The following DSCAML1 variants were observed in gnomAD, a reference collection of about 807,000 sequenced individuals.
DSCAML1 encodes cell adhesion molecule DSCAML1.
In DSCAML1, 38 loss-of-function variants were observed where a neutral mutation model predicts 200.5. The observed-to-expected ratio is 0.19, with a 90% CI of 0.15 to 0.25. The LOEUF (loss-of-function observed/expected upper bound fraction) is 0.25. DSCAML1 is among the 10% of genes least tolerant of loss of function. The probability of loss-of-function intolerance (pLI) is 1.00; values close to 1 mark genes in which losing one functional copy is unlikely to be tolerated. For synonymous variants in DSCAML1, 1,215 were observed against 1,165.0 expected (o/e 1.04, Z -0.87); for missense variants, 2,223 against 2,858.8 (o/e 0.78, Z 5.07).
intron 3 of DSCAML1, chr11:117,611,672 C>T (rs1455892250): frequency 6.6e-6 from 1 of 152,210 alleles, no homozygotes; most frequent in Non-Finnish European, 1.5e-5. Context: ...AAACCCAGCT[C>T]TTCTCTTAAA....
chr11:117,675,776 T>C (rs963397233), intron 3 of DSCAML1, among the ~76,000 whole-genome samples: 1 of 152,160 alleles, frequency 6.6e-6, no homozygotes, highest in African/African-American at 2.4e-5. Flanking sequence ...TATTGACACC[T>C]GCTCTCATCC....
intron 3 of DSCAML1, among the ~76,000 whole-genome samples, chr11:117,616,122 C>G (rs908034195): frequency 6.6e-6 from 1 of 152,126 alleles, no homozygotes; most frequent in Non-Finnish European, 1.5e-5. Flanking sequence ...ATCATCAGTC[C>G]GATTGGCCAT....
At chr11:117,537,972 G>C (rs1001350447) in intron 3 of DSCAML1, among the ~76,000 whole-genome samples, 2 of 152,202 alleles carry the variant, frequency 1.3e-5, no homozygotes, top group African/African-American at 2.4e-5. Flanking sequence ...AGCTCACCCA[G>C]GGTGCCTTTA....
At chr11:117,467,193 A>ACCCCCCCCCCCCCCCCCCCCCCC (rs757481843) in intron 16 of DSCAML1, among the ~76,000 whole-genome samples, 7 of 109,516 alleles carry the variant, frequency 6.4e-5, no homozygotes, top group Admixed American at 2.0e-4. Context: ...GTGCACACAC[A>ACCCCCCCCCCCCCCCCCCCCCCC]CCTCCCCCCT....
At chr11:117,796,284 A>G (rs1339891057) in intron 1 of DSCAML1, among the ~76,000 whole-genome samples, 1 of 152,150 alleles carries the variant, frequency 6.6e-6, no homozygotes, top group Non-Finnish European at 1.5e-5. Flanking sequence ...CAGCCTGAAG[A>G]CTTGTCCCCA....
rs72081394 is a variant in DSCAML1 at position 117,453,750 on chromosome 11, T to TTTCTTTCTTTC, written c.3569-3063_3569-3062insGAAAGAAAGAA. The stretch of plus-strand genomic sequence containing the variant: ...GATTTCTTTCTTTCTTTCTTTCTTT[T>TTTCTTTCTTTC]TTTTTTTTTTTTGAGATAGAGTCTC... On this transcript the variant is annotated intron_variant, in intron 19 of 32. Coordinates refer to ENST00000651296, the MANE Select transcript of DSCAML1 (RefSeq NM_020693.4). 3.4e-4 allele frequency among the ~76,000 whole-genome samples: 45 copies of TTTCTTTCTTTC among 130,444 alleles called. 1 individual carries two copies. Among genetic ancestry groups the TTTCTTTCTTTC allele is most frequent in the African/African-American group, 1.3e-3 (42 of 31,112 alleles). 85.6% of individuals were successfully genotyped at this position (130,444 alleles called of 152,430 possible).
rs2053565194 is a variant in DSCAML1, at chr11:117,695,151, GAGAA to G, written c.511+81636_511+81639del. Among the ~76,000 whole-genome samples, 3 of 152,162 alleles carry G rather than the reference GAGAA, an allele frequency of 2.0e-5. No individual in the cohort carries two copies. The South Asian group carries it at 6.2e-4, about 32-fold the overall frequency. On this transcript the variant is annotated intron_variant, in intron 3 of 32. Transcript: ENST00000651296. ...AGCAGTGACAGTAGGAAAAAAGGGA[GAGAA>G]AGAGAGTCCACAGCTACTGAGAAGG...
intron 3 of DSCAML1, among the ~76,000 whole-genome samples, chr11:117,684,905 T>C (rs572673120): frequency 3.2e-4 from 49 of 152,282 alleles, no homozygotes; most frequent in Non-Finnish European, 5.9e-4. Context: ...AAGTCCCTTC[T>C]TCAAGTAGCC....
At chr11:117,543,706 G>A (rs1302816784) in intron 3 of DSCAML1, among the ~76,000 whole-genome samples, 1 of 152,132 alleles carries the variant, frequency 6.6e-6, no homozygotes. Context: ...TCTAAACCCC[G>A]ATTTTCTCTG....
intron 19 of DSCAML1, among the ~76,000 whole-genome samples, chr11:117,454,848 CT>C (rs1229258942): frequency 6.6e-6 from 1 of 152,180 alleles, no homozygotes; most frequent in Non-Finnish European, 1.5e-5. Flanking sequence ...GAACTGTCTG[CT>C]TTTGGTCCAC....
At position 117,503,820 on chromosome 11, in the gene DSCAML1, G is replaced by T; in HGVS notation, c.2359+25C>A. 6.2e-7 allele frequency: 1 copy of T among 1,607,226 alleles called. No individual in the cohort carries two copies. Among genetic ancestry groups the T allele is most frequent in the South Asian group, 1.1e-5 (1 of 89,654 alleles). On this transcript the variant is annotated intron_variant, in intron 11 of 32. Transcript: ENST00000651296. This position sits in a 1 kb window ranked among gnomAD's most constrained non-coding sequence, Gnocchi z 5.2. Reference sequence around the variant, plus strand: ...GCTTGGCTGTGATTTGGGGGTGCTAGGGGGCGTGTGGGGACAGGACTCACT... The same window carrying T: ...GCTTGGCTGTGATTTGGGGGTGCTATGGGGCGTGTGGGGACAGGACTCACT...
At chr11:117,456,680 T>TTC (rs1171719887) in intron 19 of DSCAML1, among the ~76,000 whole-genome samples, 2 of 150,024 alleles carry the variant, frequency 1.3e-5, no homozygotes, top group Admixed American at 6.6e-5. Context: ...TCTTTTTTTT[T>TTC]TTTTTTCTTT....
intron 3 of DSCAML1, among the ~76,000 whole-genome samples, chr11:117,536,063 A>C (rs1404614866): frequency 6.6e-6 from 1 of 150,488 alleles, no homozygotes; most frequent in East Asian, 2.0e-4. Context: ...GTTTTCAGAC[A>C]CAGTGTTTTG....
chr11:117,591,858 C>A (rs1012788747), intron 3 of DSCAML1, among the ~76,000 whole-genome samples: 4 of 152,168 alleles, frequency 2.6e-5, no homozygotes, highest in Non-Finnish European at 2.9e-5. Context: ...TGCATCCCGG[C>A]CCCTCACCAG....
intron 3 of DSCAML1, among the ~76,000 whole-genome samples, chr11:117,692,382 T>C (rs1001445932): frequency 2.0e-5 from 3 of 152,072 alleles, no homozygotes; most frequent in African/African-American, 4.8e-5. Context: ...TTGTCTGAGA[T>C]ACCAAAAGGT....
In DSCAML1 at chr11:117,428,363, C is replaced by T. The variant is rs143875346; in HGVS notation, c.6127G>A (p.Ala2043Thr). ...SGVGRSQKQG[A>T]GAYSKSYTLV is the part of the protein sequence containing the mutation. ...GTGTAGGATTTGGAGTAGGCCCCGG[C>T]CCCCTGCTTCTGAGACCTCCCTACC... The change falls in exon 33 of 33, where the codon GCC becomes ACC. Residue 2043 changes from alanine (A) to threonine (T), a missense_variant. Transcript: ENST00000651296. 2.4e-3 allele frequency: 3,847 copies of T among 1,583,670 alleles called. 16 individuals are homozygous for T. Among genetic ancestry groups the T allele is most frequent in the Non-Finnish European group, 3.0e-3 (3,465 of 1,162,234 alleles).
intron 3 of DSCAML1, among the ~76,000 whole-genome samples, chr11:117,656,660 G>T (rs1272867869): frequency 1.3e-5 from 2 of 152,106 alleles, no homozygotes; most frequent in African/African-American, 4.8e-5. Flanking sequence ...TAAGAAATTG[G>T]CTCCAGGACA....
At chr11:117,559,122 GAC>G (rs993923245) in intron 3 of DSCAML1, among the ~76,000 whole-genome samples, 4 of 144,156 alleles carry the variant, frequency 2.8e-5, no homozygotes, top group African/African-American at 7.6e-5. Context: ...GAAAAAGAAA[GAC>G]AGAAAAACAG....
chr11:117,814,133 C>A (rs2055783206), intron 1 of DSCAML1, among the ~76,000 whole-genome samples: 1 of 152,162 alleles, frequency 6.6e-6, no homozygotes, highest in Non-Finnish European at 1.5e-5. Flanking sequence ...TGTGACCCCC[C>A]TTCCCTGCCC....
Sources: allele counts gnomAD v4.1 joint callset (sites outside exome capture counted in the v4.1 genomes callset), GRCh38; gene constraint gnomAD v4.1.1; non-coding constraint Gnocchi (gnomAD v3.1); transcripts MANE v1.5; gene names NCBI Gene and HGNC (gene_info 2026-07-23, HGNC 2026-07-21).